EXT2: variants seen among roughly 807,000 people sequenced by gnomAD.
EXT2 encodes exostosin-2.
A neutral mutation model predicts 81.6 loss-of-function variants in EXT2; 53 were observed. The ratio of observed to expected loss-of-function variants is 0.65; its 90% CI spans 0.52 to 0.82. The LOEUF is 0.82. Ranked by LOEUF, EXT2 falls within the 40% of genes least tolerant of loss-of-function variation. The probability of loss-of-function intolerance (pLI) is 0.00; values close to 1 mark genes in which losing one functional copy is unlikely to be tolerated. For synonymous variants in EXT2, 320 were observed against 340.0 expected (o/e 0.94, Z 0.65); for missense variants, 774 against 910.2 (o/e 0.85, Z 1.93).
chr11:44,171,715 T>C lies in EXT2; in HGVS notation c.1278T>C (p.Tyr426=). 1 of 1,614,038 alleles carries C rather than the reference T, an allele frequency of 6.2e-7. No homozygotes were observed. The highest frequency in any genetic ancestry group is 8.5e-7 in the Non-Finnish European group (1 of 1,179,934). The change falls in exon 8 of 14, where the codon TAT becomes TAC. Residue 426 remains tyrosine, a synonymous_variant. Transcript: ENST00000533608. The stretch of plus-strand genomic sequence containing the variant: ...TCTATCCATATGCTGCCATCTCCTA[T>C]GAAGAATGGAATGACCCTCCTGCTG... ...DRIYPYAAIS[Y]EEWNDPPAVK...
At chr11:44,213,657 T>G (rs1955679579) in intron 10 of EXT2, among the ~76,000 whole-genome samples, 1 of 152,052 alleles carries the variant, frequency 6.6e-6, no homozygotes. Flanking sequence ...TGAAGATAAA[T>G]CAATAGGAAT....
chr11:44,151,050 A>G (rs955816678), intron 7 of EXT2, among the ~76,000 whole-genome samples: 1 of 152,226 alleles, frequency 6.6e-6, no homozygotes, highest in African/African-American at 2.4e-5. Flanking sequence ...ACATTAAAGT[A>G]CAGATAGGAT....
intron 5 of EXT2, among the ~76,000 whole-genome samples, chr11:44,125,517 C>A (rs1454806921): frequency 6.6e-6 from 1 of 152,088 alleles, no homozygotes; most frequent in Non-Finnish European, 1.5e-5. Flanking sequence ...GGCTGTACTT[C>A]CATAACCATA....
At chr11:44,146,764 G>C (rs571632280) in intron 7 of EXT2, among the ~76,000 whole-genome samples, 1 of 152,306 alleles carries the variant, frequency 6.6e-6, no homozygotes, top group African/African-American at 2.4e-5. Flanking sequence ...GATTCTTGGA[G>C]AAGACTTTTT....
intron 11 of EXT2, among the ~76,000 whole-genome samples, chr11:44,232,848 G>A (rs1005091492): frequency 2.6e-5 from 4 of 152,100 alleles, no homozygotes; most frequent in African/African-American, 9.7e-5. Context: ...ATTGTATTGT[G>A]AGCCTTTTCT....
At chr11:44,215,930 G>T (rs190663809) in intron 10 of EXT2, among the ~76,000 whole-genome samples, 3 of 146,664 alleles carry the variant, frequency 2.0e-5, no homozygotes, top group African/African-American at 7.6e-5. Flanking sequence ...ACTGCGGACT[G>T]CAGTGGCGCA....
chr11:44,204,377 G>A (rs960058078), intron 9 of EXT2, among the ~76,000 whole-genome samples: 8 of 152,118 alleles, frequency 5.3e-5, no homozygotes, highest in African/African-American at 1.7e-4. Context: ...AATAGACAAT[G>A]TGTTTGTGTG....
chr11:44,107,619 C>T, intron 1 of EXT2, 64 bp from the exon 2 acceptor site: 1 of 1,469,652 alleles, frequency 6.8e-7, no homozygotes, highest in African/African-American at 1.4e-5. Context: ...GTTGAATAGT[C>T]TTTTCAAGTG....
chr11:44,121,636 C>A (rs979456916), intron 4 of EXT2, among the ~76,000 whole-genome samples: 1 of 151,648 alleles, frequency 6.6e-6, no homozygotes, highest in Non-Finnish European at 1.5e-5. Context: ...AGACTCTGAC[C>A]CCCTACATTG....
intron 8 of EXT2, among the ~76,000 whole-genome samples, chr11:44,184,843 A>T (rs1311521584): frequency 6.6e-6 from 1 of 152,248 alleles, no homozygotes; most frequent in Non-Finnish European, 1.5e-5. Context: ...TTAAGTTGTC[A>T]GCAATTAATT....
At chr11:44,186,776 A>G (rs1381287652) in intron 8 of EXT2, among the ~76,000 whole-genome samples, 16 of 152,136 alleles carry the variant, frequency 1.1e-4, no homozygotes, top group African/African-American at 3.9e-4. Flanking sequence ...TACTTACCAA[A>G]TCTCTCTTTG....
At chr11:44,127,054 C>T in intron 6 of EXT2, 99 bp downstream of exon 6, 1 of 1,441,548 alleles carries the variant, frequency 6.9e-7, no homozygotes, top group East Asian at 2.3e-5. Context: ...GGTTCAAGAA[C>T]TACTACAGAT....
At chr11:44,143,724 G>A (rs868787655) in intron 7 of EXT2, among the ~76,000 whole-genome samples, 1 of 152,102 alleles carries the variant, frequency 6.6e-6, no homozygotes, top group Non-Finnish European at 1.5e-5. Flanking sequence ...AGCAGTGATA[G>A]ATGGTATTGG....
chr11:44,173,237 A>G (rs987924250), intron 8 of EXT2, among the ~76,000 whole-genome samples: 5 of 152,204 alleles, frequency 3.3e-5, no homozygotes, highest in Admixed American at 3.3e-4. Context: ...GTATGTGCGT[A>G]TGGTAAAAAC....
At chr11:44,219,778 G>A (rs1955762751) in intron 10 of EXT2, among the ~76,000 whole-genome samples, 1 of 152,180 alleles carries the variant, frequency 6.6e-6, no homozygotes, top group Admixed American at 6.5e-5. Flanking sequence ...GAGAAACTCG[G>A]TTCTTACTTA....
At chr11:44,230,110 A>G (rs2135254583) in intron 10 of EXT2, among the ~76,000 whole-genome samples, 1 of 152,362 alleles carries the variant, frequency 6.6e-6, no homozygotes. Flanking sequence ...GGAAGGTTCG[A>G]GAAGCCCTCT....
intron 6 of EXT2, among the ~76,000 whole-genome samples, chr11:44,127,711 A>C (rs1176544559): frequency 6.6e-6 from 1 of 152,222 alleles, no homozygotes; most frequent in East Asian, 1.9e-4. Context: ...AGCTTAAAAA[A>C]AATGCCTTGC....
At chr11:44,167,269 C>T (rs1479139298) in intron 7 of EXT2, among the ~76,000 whole-genome samples, 2 of 152,198 alleles carry the variant, frequency 1.3e-5, no homozygotes, top group African/African-American at 4.8e-5. Flanking sequence ...TGTTTGCCAA[C>T]TCCTAAGGTA....
chr11:44,180,634 G>A (rs1590626499), intron 8 of EXT2, among the ~76,000 whole-genome samples: 1 of 152,276 alleles, frequency 6.6e-6, no homozygotes, highest in Middle Eastern at 3.4e-3. Flanking sequence ...GGTCTCCTGT[G>A]CAGTGGTCAT....
Sources: allele counts gnomAD v4.1 joint callset (sites outside exome capture counted in the v4.1 genomes callset), GRCh38; gene constraint gnomAD v4.1.1; transcripts MANE v1.5; gene names NCBI Gene and HGNC (gene_info 2026-07-23, HGNC 2026-07-21).